Variants in PLXDC2 observed in about 807,000 individuals in gnomAD.
PLXDC2 encodes plexin domain-containing protein 2.
Under a neutral mutation model 68.9 loss-of-function variants are expected in PLXDC2, and 40 were observed. That is an observed-to-expected ratio of 0.58 (90% confidence interval 0.45 to 0.76). The LOEUF (loss-of-function observed/expected upper bound fraction) is 0.76, where lower values mean the gene tolerates loss of function less well. Among genes scored for constraint, PLXDC2 ranks in the 30% least tolerant of loss-of-function variants. The pLI, the probability that PLXDC2 is intolerant of heterozygous loss-of-function variation, is 0.00. For synonymous variants in PLXDC2, 243 were observed against 234.2 expected (o/e 1.04, Z -0.34); for missense variants, 644 against 661.9 (o/e 0.97, Z 0.30).
intron 4 of PLXDC2, among the ~76,000 whole-genome samples, chr10:20,072,186 G>A (rs1226379191): frequency 2.0e-5 from 3 of 151,572 alleles, no homozygotes; most frequent in South Asian, 4.2e-4. Context: ...ACTGCCCAAC[G>A]TGGAGAAACC....
chr10:20,138,636 G>C (rs977436896), intron 4 of PLXDC2, among the ~76,000 whole-genome samples: 3 of 152,140 alleles, frequency 2.0e-5, no homozygotes, highest in African/African-American at 7.2e-5. Context: ...ATGAAGGTTG[G>C]GTGCAGTGGC....
intron 2 of PLXDC2, among the ~76,000 whole-genome samples, chr10:20,037,598 A>G (rs1467814730): frequency 1.5e-5 from 2 of 135,844 alleles, no homozygotes; most frequent in Admixed American, 1.5e-4. Context: ...GTAGTACCTA[A>G]GTAAAAAATA....
intron 1 of PLXDC2, among the ~76,000 whole-genome samples, chr10:19,945,676 T>C (rs1259918230): frequency 2.0e-5 from 3 of 152,178 alleles, no homozygotes; most frequent in African/African-American, 7.2e-5. Flanking sequence ...CCACAGTGTT[T>C]CCATGTTATC....
chr10:20,285,286 A>G lies in PLXDC2; in HGVS notation c.*5467A>G, dbSNP rs572272629. 6.6e-6 allele frequency: 1 copy of G among 152,112 alleles called. No homozygotes were observed. The highest frequency in any genetic ancestry group is 1.5e-5 in the Non-Finnish European group (1 of 67,998). 9.4% of individuals were successfully genotyped at this position (152,112 alleles called of 1,614,324 possible). A position where few individuals can be genotyped will look rare whatever the true frequency, so the allele number is the denominator to read the frequency against. On this transcript the variant is annotated 3_prime_UTR_variant, in exon 14 of 14. Transcript: ENST00000377252. ...CTTTGATTCATCTCCCTATTTGTTCATTTATTTAACTGTTCAGTTCACTGA... is the reference window on the plus strand; with the variant it reads ...CTTTGATTCATCTCCCTATTTGTTCGTTTATTTAACTGTTCAGTTCACTGA...
intron 2 of PLXDC2, among the ~76,000 whole-genome samples, chr10:20,032,562 G>A (rs75045810): frequency 0.038 from 5,706 of 152,100 alleles, 147 homozygotes; most frequent in South Asian, 0.069. Context: ...TCTTACAGAA[G>A]GTCTGATAAG....
At chr10:20,013,964 A>C (rs1037806345) in intron 2 of PLXDC2, among the ~76,000 whole-genome samples, 5 of 152,174 alleles carry the variant, frequency 3.3e-5, no homozygotes, top group African/African-American at 1.2e-4. Context: ...TAAATACAGA[A>C]ATGTGCTAGA....
intron 1 of PLXDC2, among the ~76,000 whole-genome samples, chr10:19,929,029 A>G (rs1833585218): frequency 6.6e-6 from 1 of 151,696 alleles, no homozygotes; most frequent in African/African-American, 2.4e-5. Context: ...TGCTGAGATT[A>G]CAGATGTGAG....
At chr10:20,173,395 A>G (rs1458462163) in intron 7 of PLXDC2, among the ~76,000 whole-genome samples, 1 of 152,194 alleles carries the variant, frequency 6.6e-6, no homozygotes, top group South Asian at 2.1e-4. Flanking sequence ...CAAGACAGAA[A>G]AATAAACTAG....
intron 1 of PLXDC2, among the ~76,000 whole-genome samples, chr10:19,863,694 T>C (rs142808798): frequency 1.8e-3 from 277 of 152,352 alleles, no homozygotes; most frequent in African/African-American, 6.0e-3. Flanking sequence ...TTGTAGCTTG[T>C]TTATTAAAAA....
intron 2 of PLXDC2, among the ~76,000 whole-genome samples, chr10:20,036,827 C>T (rs1395208416): frequency 6.6e-6 from 1 of 152,206 alleles, no homozygotes; most frequent in East Asian, 1.9e-4. Flanking sequence ...ATATTCCCTT[C>T]AACACATTTG....
intron 4 of PLXDC2, among the ~76,000 whole-genome samples, chr10:20,134,627 T>A (rs1220239620): frequency 6.6e-6 from 1 of 152,144 alleles, no homozygotes; most frequent in Admixed American, 6.5e-5. Flanking sequence ...TGGGCCTACA[T>A]CTTGGGTCTA....
At chr10:20,146,116 C>G (rs12220386) in intron 5 of PLXDC2, among the ~76,000 whole-genome samples, 30,101 of 151,992 alleles carry the variant, frequency 0.2, 3,727 homozygotes, top group East Asian at 0.41. Context: ...AAGTCTAAGT[C>G]TTCTGCCCTC....
chr10:19,967,705 T>G (rs74344932), intron 1 of PLXDC2, among the ~76,000 whole-genome samples: 6,616 of 152,272 alleles, frequency 0.043, 214 homozygotes, highest in Non-Finnish European at 0.059. Context: ...CTATGTCATG[T>G]CCACCTTAGC....
chr10:20,200,929 G>A (rs1319870639), intron 9 of PLXDC2, among the ~76,000 whole-genome samples: 3 of 152,096 alleles, frequency 2.0e-5, no homozygotes, highest in Non-Finnish European at 4.4e-5. Context: ...TGCACTGTTG[G>A]TGGGCATGTA....
intron 1 of PLXDC2, among the ~76,000 whole-genome samples, chr10:19,938,122 A>G (rs753899722): frequency 6.6e-6 from 1 of 152,140 alleles, no homozygotes; most frequent in African/African-American, 2.4e-5. Context: ...TATACATTAC[A>G]TACAGGAAAT....
intron 7 of PLXDC2, among the ~76,000 whole-genome samples, chr10:20,173,070 A>T (rs1203977067): frequency 6.6e-6 from 1 of 152,166 alleles, no homozygotes; most frequent in Non-Finnish European, 1.5e-5. Context: ...AGCCACTATA[A>T]TAGTGTCATT....
rs1471638956 is a variant in PLXDC2 at position 20,284,613 on chromosome 10, A to G, written c.*4794A>G. ...CTAAATAAAAAAAAAGAATCGTGAG[A>G]CATCATGTAATCCAACCTCTTAATG... is the stretch of plus-strand genomic sequence containing the variant. On this transcript the variant is annotated 3_prime_UTR_variant, in exon 14 of 14. Transcript: ENST00000377252. 2.0e-5 allele frequency: 3 copies of G among 151,986 alleles called. No homozygotes were observed. Among genetic ancestry groups the G allele is most frequent in the Non-Finnish European group, 4.4e-5 (3 of 68,014 alleles). The allele number at this position is 151,986 out of a possible 1,614,324, so 9.4% of individuals were successfully genotyped here.
chr10:20,214,137 C>G (rs751958998), intron 10 of PLXDC2, among the ~76,000 whole-genome samples: 4 of 151,962 alleles, frequency 2.6e-5, no homozygotes, highest in African/African-American at 9.7e-5. Flanking sequence ...TCATGTGAAC[C>G]GTTCATTTCT....
At chr10:20,164,976 C>T (rs1447904008) in intron 7 of PLXDC2, among the ~76,000 whole-genome samples, 1 of 151,992 alleles carries the variant, frequency 6.6e-6, no homozygotes. Context: ...CTATCATGCT[C>T]ATGCTTGGCT....
Sources: gnomAD v4.1 joint callset for allele counts (sites outside exome capture counted in the v4.1 genomes callset) on GRCh38, gnomAD v4.1.1 for gene constraint, MANE v1.5 for transcripts, NCBI Gene and HGNC (gene_info 2026-07-23, HGNC 2026-07-21) for gene names.